The following CSDE1 variants were observed in gnomAD, a reference collection of about 807,000 sequenced individuals.
CSDE1 encodes cold shock domain containing E1, also known as cold shock domain-containing protein E1.
In CSDE1, 17 loss-of-function variants were observed where a neutral mutation model predicts 89.3. The ratio of observed to expected loss-of-function variants is 0.19; its 90% CI spans 0.13 to 0.29. The LOEUF (loss-of-function observed/expected upper bound fraction) is 0.29, where lower values mean the gene tolerates loss of function less well. CSDE1 is among the 10% of genes least tolerant of loss of function. The pLI, the probability that CSDE1 is intolerant of heterozygous loss-of-function variation, is 1.00. For missense variants in CSDE1, 672 were observed against 984.2 expected (o/e 0.68, Z 4.24); for synonymous variants, 322 against 332.8 (o/e 0.97, Z 0.35).
chr1:114,723,119 A>T (rs1215048459), intron 16 of CSDE1, among the ~76,000 whole-genome samples: 2 of 152,068 alleles, frequency 1.3e-5, no homozygotes, highest in South Asian at 2.1e-4. Context: ...AGCCTCCCAA[A>T]GTGCTGGGAT....
chr1:114,738,444 G>A (rs1458573330), intron 3 of CSDE1, among the ~76,000 whole-genome samples: 3 of 151,780 alleles, frequency 2.0e-5, no homozygotes, highest in African/African-American at 2.4e-5. Flanking sequence ...AACCTTTGGC[G>A]AGTTTTTTTT....
At chr1:114,721,006 T>C (rs549007635) in intron 16 of CSDE1, among the ~76,000 whole-genome samples, 14 of 152,352 alleles carry the variant, frequency 9.2e-5, no homozygotes, top group African/African-American at 3.4e-4. Flanking sequence ...TACAATCCCA[T>C]TGCCTAAATT....
chr1:114,728,319 A>G (rs1220900136), intron 12 of CSDE1, among the ~76,000 whole-genome samples: 1 of 152,210 alleles, frequency 6.6e-6, no homozygotes, highest in African/African-American at 2.4e-5. Context: ...AACCAAACTC[A>G]AAAGCTTACT....
At chr1:114,732,469 T>G in intron 10 of CSDE1, 135 bp downstream of exon 10, 1 of 765,970 alleles carries the variant, frequency 1.3e-6, no homozygotes, top group Non-Finnish European at 2.1e-6. Context: ...TGTGTATGAT[T>G]CTTAATCACC....
At chr1:114,733,283 T>C (rs542337608) in intron 9 of CSDE1, among the ~76,000 whole-genome samples, 19 of 152,212 alleles carry the variant, frequency 1.2e-4, no homozygotes, top group Non-Finnish European at 2.5e-4. Flanking sequence ...ATCCCAGCAC[T>C]TTGGGAGGCC....
intron 12 of CSDE1, among the ~76,000 whole-genome samples, chr1:114,728,975 A>C (rs993382017): frequency 8.5e-5 from 13 of 152,220 alleles, no homozygotes; most frequent in African/African-American, 3.1e-4. Context: ...ATTTCATAGT[A>C]ATCCTTTTCA....
At position 114,738,019 on chromosome 1, in the gene CSDE1, C is replaced by T; in HGVS notation, c.253G>A (p.Val85Ile). ...TCTTGTTTTATCTTCACCAGTTTAA[C>T]AGCAATGGGTTTCCCAGTCCGTCGG... Reference protein sequence around the residue: ...SDRRTGKPIAVKLVKIKQEIL... With the variant: ...SDRRTGKPIAIKLVKIKQEIL... Residue 85 changes from valine (V) to isoleucine (I), a missense_variant, in exon 4 of 20, where the codon GTT (valine) becomes ATT (isoleucine). Physicochemically the swap from Val to Ile is conservative, Grantham distance 29. Around this residue, in one of 8 missense-constraint regions of CSDE1, gnomAD observed 124 missense variants for 138.7 expected, o/e 0.89. Transcript: ENST00000358528. The T allele has an allele frequency of 6.2e-7, 1 of 1,614,076 alleles. No homozygotes were observed. The highest frequency in any genetic ancestry group is 8.5e-7 in the Non-Finnish European group (1 of 1,179,916).
At chr1:114,736,672 T>C (rs1660419344) in intron 6 of CSDE1, 86 bp downstream of exon 6, 6 of 754,006 alleles carry the variant, frequency 8.0e-6, no homozygotes, top group Admixed American at 2.6e-5. Context: ...ACTTACAAGT[T>C]AGGTTTTTAA....
At chr1:114,729,061 T>C (rs1025085814) in intron 12 of CSDE1, among the ~76,000 whole-genome samples, 1 of 152,178 alleles carries the variant, frequency 6.6e-6, no homozygotes, top group Non-Finnish European at 1.5e-5. Context: ...CTGATGTCAT[T>C]ATCCAAAAGA....
intron 6 of CSDE1, among the ~76,000 whole-genome samples, 179 bp from the exon 7 acceptor site, chr1:114,734,702 A>G (rs1335905111): frequency 6.6e-6 from 1 of 152,194 alleles, no homozygotes; most frequent in African/African-American, 2.4e-5. Context: ...TATGCAAAGG[A>G]CTTTAACTCC....
At chr1:114,740,761 CA>C (rs1346502739) in intron 2 of CSDE1, among the ~76,000 whole-genome samples, 8 of 152,148 alleles carry the variant, frequency 5.3e-5, no homozygotes, top group Non-Finnish European at 1.0e-4. Flanking sequence ...AAGTGAAGCA[CA>C]AAACAGGACG....
intron 12 of CSDE1, chr1:114,727,773 A>G (rs1016527151): frequency 1.3e-5 from 2 of 152,128 alleles, no homozygotes; most frequent in African/African-American, 4.8e-5. Context: ...TACAGATCGA[A>G]CTTCCTTGTT....
intron 9 of CSDE1, among the ~76,000 whole-genome samples, chr1:114,733,318 G>C (rs901564455): frequency 2.0e-5 from 3 of 152,104 alleles, no homozygotes; most frequent in Non-Finnish European, 4.4e-5. Flanking sequence ...GCAAGGTCAA[G>C]AGATCGAGAC....
At position 114,718,297 on chromosome 1, in the gene CSDE1, G is replaced by A. The variant is rs138421730; in HGVS notation, c.2350-81C>T. On this transcript the variant is annotated intron_variant, in intron 19 of 19. Coordinates refer to ENST00000358528, the MANE Select transcript of CSDE1 (RefSeq NM_001007553.3). ...CATAGTACATTCACTATTCCGAAAT[G>A]AAACTACAAAAGCATTATTTTTAAT... The A allele has an allele frequency of 2.5e-5, 37 of 1,468,844 alleles. No homozygotes were observed. In the East Asian group the frequency reaches 8.1e-4, roughly 32 times the overall value. 91.0% of individuals were successfully genotyped at this position (1,468,844 alleles called of 1,614,324 possible).
chr1:114,745,925 A>T (rs967773184), intron 2 of CSDE1, among the ~76,000 whole-genome samples: 1 of 152,202 alleles, frequency 6.6e-6, no homozygotes, highest in Admixed American at 6.5e-5. Flanking sequence ...CCTCAAAAGT[A>T]AAGTGGGAGC....
chr1:114,727,469 C>T (rs897171043), intron 12 of CSDE1, among the ~76,000 whole-genome samples: 1 of 152,088 alleles, frequency 6.6e-6, no homozygotes, highest in Non-Finnish European at 1.5e-5. Flanking sequence ...AAAGAAGCTG[C>T]TGAAGTATCC....
chr1:114,738,366 T>G (rs144576510), intron 3 of CSDE1, among the ~76,000 whole-genome samples: 1 of 152,222 alleles, frequency 6.6e-6, no homozygotes, highest in Admixed American at 6.5e-5. Context: ...TATGCTAAGA[T>G]AGCCATGTCT....
intron 2 of CSDE1, among the ~76,000 whole-genome samples, chr1:114,743,839 G>C (rs1023985026): frequency 6.6e-5 from 10 of 152,142 alleles, no homozygotes; most frequent in Admixed American, 6.5e-4. Context: ...TTGCTGACTA[G>C]AGCTCTCTTT....
In CSDE1 at chr1:114,730,688, T is replaced by C. The variant is rs747654151; in HGVS notation, c.1051-40A>G. On this transcript the variant is annotated intron_variant, in intron 10 of 19. Coordinates refer to ENST00000358528, the MANE Select transcript of CSDE1 (RefSeq NM_001007553.3). ...ATATTTTCACTGGCTGTGAAACTTG[T>C]CAAGAAGGCAACATTCAACTTTACA... is the stretch of plus-strand genomic sequence containing the variant. 10 of 1,606,656 alleles carry C rather than the reference T, an allele frequency of 6.2e-6. No individual in the cohort carries two copies. The South Asian group carries it at 1.1e-4, about 18-fold the overall frequency.
Sources: allele counts gnomAD v4.1 joint callset (sites outside exome capture counted in the v4.1 genomes callset), GRCh38; gene constraint gnomAD v4.1.1; regional missense constraint gnomAD v4.1.1; transcripts MANE v1.5; gene names NCBI Gene and HGNC (gene_info 2026-07-23, HGNC 2026-07-21).